INTS3: variants seen among roughly 807,000 people sequenced by gnomAD.
INTS3 encodes the protein SOSS complex subunit A.
A neutral mutation model predicts 146.3 loss-of-function variants in INTS3; 34 were observed. That is an observed-to-expected ratio of 0.23 (90% confidence interval 0.18 to 0.31). INTS3 has a LOEUF of 0.31. Among genes scored for constraint, INTS3 ranks in the 10% least tolerant of loss-of-function variants. The pLI, the probability that INTS3 is intolerant of heterozygous loss-of-function variation, is 1.00. For missense variants in INTS3, 757 were observed against 1,304.2 expected, an observed-to-expected ratio of 0.58 and a Z score of 6.46; for synonymous variants, 475 against 494.9, an observed-to-expected ratio of 0.96 and a Z score of 0.53.
chr1:153,765,214 TCTCA>T (rs1379294166), intron 20 of INTS3, 151 bp downstream of exon 20: 3 of 793,122 alleles, frequency 3.8e-6, no homozygotes, highest in Non-Finnish European at 6.2e-6. Context: ...AGAGACAGCA[TCTCA>T]CTCTGTCACC....
intron 8 of INTS3, among the ~76,000 whole-genome samples, chr1:153,754,279 A>G (rs1672079326): frequency 6.6e-6 from 1 of 152,144 alleles, no homozygotes; most frequent in East Asian, 1.9e-4. Context: ...CACAAATAAC[A>G]TTGATTCCAG....
rs746104452 is a variant in INTS3 at position 153,728,650 on chromosome 1, G to A, written c.16G>A (p.Gly6Arg). Residue 6 changes from glycine to arginine, a missense_variant, in exon 1 of 30, where the codon GGA becomes AGA. Transcript: ENST00000318967. ...GGCTGCAGCCATGGAGTTGCAGAAG[G>A]GAAAAGGGGCGGCAGCAGCAGCAGC... MELQK[G>R]KGAAAAAAAS... The A allele has an allele frequency of 6.2e-6, 10 of 1,606,468 alleles. No individual in the cohort carries two copies. Among genetic ancestry groups the A allele is most frequent in the Non-Finnish European group, 8.5e-6 (10 of 1,177,746 alleles).
chr1:153,769,676 TTCC>T, intron 22 of INTS3, 90 bp from the exon 23 acceptor site: 1 of 777,506 alleles, frequency 1.3e-6, no homozygotes, highest in African/African-American at 1.7e-5. Flanking sequence ...ATTTTTTTTT[TTCC>T]CTTACGAGCC....
intron 10 of INTS3, 48 bp from the exon 11 acceptor site, chr1:153,759,478 G>T: frequency 2.5e-6 from 3 of 1,219,254 alleles, no homozygotes; most frequent in Non-Finnish European, 3.7e-6. Context: ...GAAATGGAGG[G>T]GGGTGATTGA....
intron 9 of INTS3, among the ~76,000 whole-genome samples, chr1:153,755,854 C>T (rs61803573): frequency 0.13 from 19,044 of 152,012 alleles, 2,063 homozygotes; most frequent in African/African-American, 0.29. Context: ...CCCTGGCCAA[C>T]GTGGTGAAAC....
chr1:153,745,391 A>G (rs1671691724), intron 3 of INTS3, among the ~76,000 whole-genome samples: 1 of 151,984 alleles, frequency 6.6e-6, no homozygotes. Context: ...TCCTGACCTC[A>G]GATGATCCAC....
At chr1:153,771,484 T>A (rs908188041) in intron 25 of INTS3, among the ~76,000 whole-genome samples, 1 of 152,062 alleles carries the variant, frequency 6.6e-6, no homozygotes, top group African/African-American at 2.4e-5. Flanking sequence ...GCATGCCACA[T>A]GCTTGTGCTT....
intron 8 of INTS3, among the ~76,000 whole-genome samples, chr1:153,752,812 G>A (rs897731127): frequency 4.6e-5 from 7 of 152,146 alleles, no homozygotes; most frequent in Non-Finnish European, 7.4e-5. Context: ...TCCTGTAAGA[G>A]AAGGCCCCTC....
Position 153,728,787 on chromosome 1 carries a change from A to G in INTS3, c.150+3A>G. The G allele has an allele frequency of 7.4e-7, 1 of 1,348,046 alleles. No homozygotes were observed. Among genetic ancestry groups the G allele is most frequent in the Non-Finnish European group, 9.8e-7 (1 of 1,018,504 alleles). 83.5% of individuals were successfully genotyped at this position (1,348,046 alleles called of 1,614,324 possible). ...ATGCCAAGGATGAGTTAGAGGAGGT[A>G]GGTGTGGGGGGAGGGAAGGGAGTTA... is the stretch of plus-strand genomic sequence containing the variant. On this transcript the variant is annotated splice_donor_region_variant and intron_variant, in intron 1 of 29. Transcript: ENST00000318967.
Position 153,760,391 on chromosome 1 carries a change from G to C in INTS3, c.1317+1G>C. 6.2e-7 allele frequency: 1 copy of C among 1,612,226 alleles called. No homozygotes were observed. The highest frequency in any genetic ancestry group is 1.1e-5 in the South Asian group (1 of 91,008). On this transcript the variant is annotated splice_donor_variant, in intron 12 of 29. Transcript: ENST00000318967. LOFTEE classifies it high-confidence loss of function. ...CACACTCCTGGACTTCATGTGCCGC[G>C]TAAGTGTTAGAGCTCTCTTTTCTCC...
intron 23 of INTS3, 26 bp downstream of exon 23, chr1:153,769,870 T>C: frequency 6.7e-7 from 1 of 1,502,660 alleles, no homozygotes; most frequent in African/African-American, 1.4e-5. Flanking sequence ...TTTAGGTGCC[T>C]GGGAGAGGAG....
chr1:153,770,439 A>AG, intron 24 of INTS3, 128 bp downstream of exon 24: 1 of 749,064 alleles, frequency 1.3e-6, no homozygotes, highest in Non-Finnish European at 2.3e-6. Context: ...AAAGTGCACA[A>AG]GGGCAGGCTC....
At chr1:153,759,752 C>T (rs1672304843) in intron 11 of INTS3, 139 bp downstream of exon 11, 2 of 652,488 alleles carry the variant, frequency 3.1e-6, no homozygotes, top group South Asian at 1.8e-5. Context: ...TGTTCCTCAT[C>T]AGTTTTCCCT....
At position 153,752,404 on chromosome 1, in the gene INTS3, C is replaced by G. The variant is rs1345131298; in HGVS notation, c.855C>G (p.Phe285Leu). 6.2e-7 allele frequency: 1 copy of G among 1,610,544 alleles called. No homozygotes were observed. The highest frequency in any genetic ancestry group is 2.2e-5 in the East Asian group (1 of 44,560). The change falls in exon 8 of 30, where the codon TTC becomes TTG. Residue 285 changes from phenylalanine (F) to leucine (L), a missense_variant. By Grantham distance (22) the Phe-to-Leu change is conservative. This residue lies in a region of INTS3 where 134 missense variants were observed against 243.1 expected (regional missense o/e 0.55). Coordinates refer to ENST00000318967, the MANE Select transcript of INTS3 (RefSeq NM_023015.5). Reference protein sequence around the residue: ...IHNPQALSPQFTGILQLLQSR... With the variant: ...IHNPQALSPQLTGILQLLQSR... ...ATCCTCAGGCCTTGAGTCCTCAGTT[C>G]ACAGGTAAGTAGGGTCTTAGGCATC...
In INTS3 at chr1:153,760,469, G is replaced by T. The variant is rs540917700; in HGVS notation, c.1317+79G>T. The T allele has an allele frequency of 3.0e-4, 357 of 1,204,494 alleles. 3 individuals are homozygous for T. The South Asian group carries it at 4.1e-3, about 14-fold the overall frequency. The allele number at this position is 1,204,494 out of a possible 1,614,324, so 74.6% of individuals were successfully genotyped here. On this transcript the variant is annotated intron_variant, in intron 12 of 29. Transcript: ENST00000318967. The stretch of plus-strand genomic sequence containing the variant: ...TATCTCCCCTAATCTCCCAGTGAAC[G>T]GGTCTTCTCGGTATGCCTTGACTGA...
At chr1:153,771,044 C>A (rs775700891) in intron 25 of INTS3, among the ~76,000 whole-genome samples, 73 of 152,186 alleles carry the variant, frequency 4.8e-4, no homozygotes, top group Non-Finnish European at 7.9e-4. Flanking sequence ...CGCGCCCCCC[C>A]CACCGCCCCA....
chr1:153,760,538 C>A lies in INTS3; in HGVS notation c.1317+148C>A, dbSNP rs78757674. ...GTCCTATCCCCCAAGTTAATAAATG[C>A]TTCCCTTCCATATTCCACTGTCTGC... is the stretch of plus-strand genomic sequence containing the variant. On this transcript the variant is annotated intron_variant, in intron 12 of 29. Coordinates refer to ENST00000318967, the MANE Select transcript of INTS3 (RefSeq NM_023015.5). 5,409 of 669,988 alleles carry A rather than the reference C, an allele frequency of 8.1e-3. 143 individuals are homozygous for A. The highest frequency in any genetic ancestry group is 0.051 in the African/African-American group (2,792 of 55,190). 41.5% of individuals were successfully genotyped at this position (669,988 alleles called of 1,614,324 possible).
At chr1:153,738,949 A>G (rs1235439164) in intron 1 of INTS3, among the ~76,000 whole-genome samples, 1 of 150,428 alleles carries the variant, frequency 6.6e-6, no homozygotes, top group Non-Finnish European at 1.5e-5. Flanking sequence ...ACTGGAGTGC[A>G]ATGATGCCAA....
intron 3 of INTS3, 92 bp downstream of exon 3, chr1:153,741,460 C>G: frequency 1.1e-6 from 1 of 934,990 alleles, no homozygotes; most frequent in South Asian, 1.3e-5. Flanking sequence ...GTATGAAACT[C>G]TTCGACCAGA....
Sources: gnomAD v4.1 joint callset for allele counts (sites outside exome capture counted in the v4.1 genomes callset) on GRCh38, gnomAD v4.1.1 for gene constraint, gnomAD v4.1.1 regional missense constraint, MANE v1.5 for transcripts, NCBI Gene and HGNC (gene_info 2026-07-23, HGNC 2026-07-21) for gene names.